Variants in UBASH3A observed in about 807,000 individuals in gnomAD.
The protein encoded by UBASH3A is ubiquitin associated and SH3 domain containing A.
A neutral mutation model predicts 73.5 loss-of-function variants in UBASH3A; 63 were observed. The observed-to-expected ratio is 0.86, with a 90% CI of 0.70 to 1.06. The LOEUF (loss-of-function observed/expected upper bound fraction) is 1.06, where lower values mean the gene tolerates loss of function less well. UBASH3A is among the 50% of genes least tolerant of loss of function. The pLI, the probability that UBASH3A is intolerant of heterozygous loss-of-function variation, is 0.00. For missense variants in UBASH3A, 860 were observed against 859.0 expected (o/e 1.00, Z -0.02); for synonymous variants, 363 against 351.1 (o/e 1.03, Z -0.38).
chr21:42,444,440 G>C, intron 13 of UBASH3A, 94 bp from the exon 14 acceptor site: 1 of 936,866 alleles, frequency 1.1e-6, no homozygotes, highest in Non-Finnish European at 1.7e-6. Flanking sequence ...GGCACTCTGA[G>C]ATAGCTCTGC....
In UBASH3A at chr21:42,404,069, C is replaced by G. The variant is rs2052917838; in HGVS notation, c.113+11C>G. 1 of 1,433,606 alleles carries G rather than the reference C, an allele frequency of 7.0e-7. No homozygotes were observed. The highest frequency in any genetic ancestry group is 9.3e-7 in the Non-Finnish European group (1 of 1,074,802). 88.8% of individuals were successfully genotyped at this position (1,433,606 alleles called of 1,614,324 possible). A position where few individuals can be genotyped will look rare whatever the true frequency, so the allele number is the denominator to read the frequency against. ...CCCGGTGCACACCGCGTGAGTACTG[C>G]CCAGAGACCCCGGGGCCCAGCCAGT... is the stretch of plus-strand genomic sequence containing the variant. On this transcript the variant is annotated intron_variant, in intron 1 of 14. Transcript: ENST00000319294.
In UBASH3A at chr21:42,418,532, G is replaced by A. The variant is rs1339061916; in HGVS notation, c.969G>A (p.Gln323=). Residue 323 remains glutamine (Q), a synonymous_variant, in exon 7 of 15, where the codon CAG becomes CAA. Transcript: ENST00000319294. ...ASEGWVIGIS[Q]RTGCRGFLPE... Reference sequence around the variant, plus strand: ...AGGGCTGGGTGATTGGGATCTCACAGCGGACGGGCTGCCGGGGCTTCCTGC... The same window carrying A: ...AGGGCTGGGTGATTGGGATCTCACAACGGACGGGCTGCCGGGGCTTCCTGC... The A allele has an allele frequency of 1.2e-6, 2 of 1,614,196 alleles. No individual in the cohort carries two copies. Among genetic ancestry groups the A allele is most frequent in the South Asian group, 2.2e-5 (2 of 91,084 alleles).
intron 7 of UBASH3A, among the ~76,000 whole-genome samples, chr21:42,423,764 T>C (rs1346616466): frequency 6.6e-6 from 1 of 152,216 alleles, no homozygotes; most frequent in Non-Finnish European, 1.5e-5. Flanking sequence ...CTCTTGAGAA[T>C]TAATCAGTAT....
At chr21:42,406,233 G>T (rs2052972706) in intron 1 of UBASH3A, 75 bp from the exon 2 acceptor site, 3 of 1,242,972 alleles carry the variant, frequency 2.4e-6, no homozygotes, top group Non-Finnish European at 3.6e-6. Flanking sequence ...GGTGTGCAAG[G>T]CCACACCCTG....
Position 42,404,008 on chromosome 21 carries a change from C to T in UBASH3A, c.63C>T (p.Ser21=), listed in dbSNP as rs1360056068. 9.8e-6 allele frequency: 15 copies of T among 1,529,738 alleles called. No individual in the cohort carries two copies. In the South Asian group the frequency reaches 1.1e-4, roughly 11 times the overall value. 94.8% of individuals were successfully genotyped at this position (1,529,738 alleles called of 1,614,324 possible). A position where few individuals can be genotyped will look rare whatever the true frequency, so the allele number is the denominator to read the frequency against. ...CCAACAAGCTCAAGAGCCGCAGCAGCCCCTCGCTCCTGGAGCCCCTCCTGG... is the reference window on the plus strand; with the variant it reads ...CCAACAAGCTCAAGAGCCGCAGCAGTCCCTCGCTCCTGGAGCCCCTCCTGG... The part of the protein sequence containing the change: ...KVSNKLKSRS[S]PSLLEPLLAM... Residue 21 remains serine (S), a synonymous_variant, in exon 1 of 15, where the codon AGC becomes AGT. Transcript: ENST00000319294.
Position 42,447,058 on chromosome 21 carries a change from T to C in UBASH3A, c.1850T>C (p.Ile617Thr). Residue 617 changes from isoleucine (I) to threonine (T), a missense_variant and splice_region_variant, in exon 15 of 15, where the codon ATC (isoleucine) becomes ACC (threonine). Coordinates refer to ENST00000319294, the MANE Select transcript of UBASH3A (RefSeq NM_018961.4). The stretch of plus-strand genomic sequence containing the variant: ...AAGTGATTTAAAACTCTGTTCCAGA[T>C]CCCTTCCCTGGGCATGTGCTTCTGT... ...CGDFAQLVRK[I>T]PSLGMCFCEE... 6.2e-7 allele frequency: 1 copy of C among 1,612,310 alleles called. No homozygotes were observed.
chr21:42,442,045 A>G (rs990320267), intron 11 of UBASH3A, among the ~76,000 whole-genome samples: 2 of 152,148 alleles, frequency 1.3e-5, no homozygotes, highest in Non-Finnish European at 2.9e-5. Context: ...TGAGGCCAAC[A>G]TTCTTCATGA....
At chr21:42,422,845 T>C (rs538416266) in intron 7 of UBASH3A, among the ~76,000 whole-genome samples, 23 of 152,270 alleles carry the variant, frequency 1.5e-4, no homozygotes, top group African/African-American at 5.5e-4. Context: ...TTTCTATACA[T>C]GTGTATGCCT....
chr21:42,413,620 T>C lies in UBASH3A; in HGVS notation c.667+97T>C, dbSNP rs1421585023. 12 of 908,332 alleles carry C rather than the reference T, an allele frequency of 1.3e-5. No individual in the cohort carries two copies. In the South Asian group the frequency reaches 1.3e-4, roughly 10 times the overall value. The allele number at this position is 908,332 out of a possible 1,614,324, so 56.3% of individuals were successfully genotyped here. A position where few individuals can be genotyped will look rare whatever the true frequency, so the allele number is the denominator to read the frequency against. ...GTGGTTTTTAAAATGCTTAGCTATA[T>C]GCCAACAGCCTGGGAAAGTGCCCCA... On this transcript the variant is annotated intron_variant, in intron 5 of 14. Transcript: ENST00000319294. This position sits in a 1 kb window ranked among gnomAD's most constrained non-coding sequence, Gnocchi z 4.5.
rs564589105 is a variant in UBASH3A at position 42,435,119 on chromosome 21, C to G, written c.1393+165C>G. On this transcript the variant is annotated intron_variant, in intron 10 of 14. Coordinates refer to ENST00000319294, the MANE Select transcript of UBASH3A (RefSeq NM_018961.4). Reference sequence around the variant, plus strand: ...GGCACAGAGAGGTTAAGCAACTTGCCCAAGGTCACACAGCAAGAAAGTGGC... The same window carrying G: ...GGCACAGAGAGGTTAAGCAACTTGCGCAAGGTCACACAGCAAGAAAGTGGC... 1.1e-4 allele frequency: 86 copies of G among 774,932 alleles called. No individual in the cohort carries two copies. The African/African-American group carries it at 1.3e-3, about 12-fold the overall frequency. 48.0% of individuals were successfully genotyped at this position (774,932 alleles called of 1,614,324 possible). A position where few individuals can be genotyped will look rare whatever the true frequency, so the allele number is the denominator to read the frequency against.
intron 11 of UBASH3A, among the ~76,000 whole-genome samples, chr21:42,439,897 ACACACACACCACACACCT>A (rs2053704531): frequency 1.4e-5 from 2 of 138,732 alleles, no homozygotes; most frequent in East Asian, 2.2e-4. Flanking sequence ...CACACATACC[ACACACACACCACACACCT>A]CACACACACC....
chr21:42,446,996 T>C, intron 14 of UBASH3A, 61 bp from the exon 15 acceptor site: 3 of 1,560,478 alleles, frequency 1.9e-6, no homozygotes, highest in Non-Finnish European at 2.6e-6. Context: ...GCTTTGGAGC[T>C]AGTCTGAAAT....
At chr21:42,442,704 A>G in intron 12 of UBASH3A, 108 bp downstream of exon 12, 1 of 1,240,558 alleles carries the variant, frequency 8.1e-7, no homozygotes, top group African/African-American at 1.5e-5. Context: ...AAGAGGGACC[A>G]CTGCAGTGGG....
intron 1 of UBASH3A, among the ~76,000 whole-genome samples, chr21:42,405,011 T>C (rs1158898267): frequency 6.6e-6 from 1 of 152,128 alleles, no homozygotes; most frequent in Non-Finnish European, 1.5e-5. Context: ...GACCCATTCA[T>C]TTTTTCACAT....
At chr21:42,436,090 CAT>C (rs1466652573) in intron 10 of UBASH3A, among the ~76,000 whole-genome samples, 4 of 149,622 alleles carry the variant, frequency 2.7e-5, no homozygotes, top group Non-Finnish European at 5.9e-5. Context: ...GAGTTAGAGT[CAT>C]AGAGTTATAG....
At chr21:42,437,084 C>T (rs1376666566) in intron 10 of UBASH3A, among the ~76,000 whole-genome samples, 5 of 152,378 alleles carry the variant, frequency 3.3e-5, no homozygotes, top group Non-Finnish European at 5.9e-5. Flanking sequence ...GGGGGCTGCT[C>T]CCAGCCCTAG....
rs2146485301 is a variant in UBASH3A at position 42,406,377 on chromosome 21, T to C, written c.167+16T>C. ...CCTTGGCCTGGTGAGTGCAGCTGCT[T>C]CTGTAGACCCAGGGGCGTTTGGGCT... On this transcript the variant is annotated intron_variant, in intron 2 of 14. Coordinates refer to ENST00000319294, the MANE Select transcript of UBASH3A (RefSeq NM_018961.4). 6.2e-7 allele frequency: 1 copy of C among 1,610,790 alleles called. No individual in the cohort carries two copies.
intron 7 of UBASH3A, among the ~76,000 whole-genome samples, chr21:42,421,931 A>G (rs2053345326): frequency 6.6e-6 from 1 of 152,276 alleles, no homozygotes; most frequent in African/African-American, 2.4e-5. Context: ...AAGAAATAGT[A>G]GTAAAAATAA....
intron 1 of UBASH3A, among the ~76,000 whole-genome samples, chr21:42,405,640 A>T (rs367895129): frequency 6.6e-6 from 1 of 152,186 alleles, no homozygotes; most frequent in Non-Finnish European, 1.5e-5. Context: ...CGCTGTTTCC[A>T]GTCTGCATTC....
Sources: gnomAD v4.1 joint callset for allele counts (sites outside exome capture counted in the v4.1 genomes callset) on GRCh38, gnomAD v4.1.1 for gene constraint, Gnocchi (gnomAD v3.1) non-coding constraint, MANE v1.5 for transcripts, NCBI Gene and HGNC (gene_info 2026-07-23, HGNC 2026-07-21) for gene names.